Variants in DOK5 observed in about 807,000 individuals in gnomAD.
DOK5 encodes downstream of tyrosine kinase 5.
Under a neutral mutation model 43.3 loss-of-function variants are expected in DOK5, and 27 were observed. The ratio of observed to expected loss-of-function variants is 0.62; its 90% CI spans 0.46 to 0.86. DOK5 has a LOEUF of 0.86. DOK5 is among the 40% of genes least tolerant of loss of function. The pLI is 0.00. For missense variants in DOK5, 373 were observed against 392.9 expected (o/e 0.95, Z 0.43); for synonymous variants, 146 against 140.1 (o/e 1.04, Z -0.30).
intron 1 of DOK5, among the ~76,000 whole-genome samples, chr20:54,515,878 G>A (rs1769686250): frequency 6.6e-6 from 1 of 152,196 alleles, no homozygotes; most frequent in African/African-American, 2.4e-5. Context: ...CCAGGTGATG[G>A]CATGAATGTT....
At chr20:54,644,305 C>T (rs1979265624) in intron 7 of DOK5, among the ~76,000 whole-genome samples, 1 of 152,182 alleles carries the variant, frequency 6.6e-6, no homozygotes, top group African/African-American at 2.4e-5. Context: ...GGCGTGGTGG[C>T]TCACGCCTGT....
Position 54,650,417 on chromosome 20 carries a change from G to T in DOK5, c.859G>T (p.Val287Phe). 6.2e-7 allele frequency: 1 copy of T among 1,613,830 alleles called. No individual in the cohort carries two copies. Among genetic ancestry groups the T allele is most frequent in the Non-Finnish European group, 8.5e-7 (1 of 1,179,922 alleles). ...STGQLYRLQD[V>F]SSPLKLHRTE... ...ATTTTAAATTCTTTTTGGAAAAGAT[G>T]TTTCCAGCCCTCTGAAGCTTCATCG... Residue 287 changes from valine (V) to phenylalanine (F), a missense_variant and splice_region_variant, in exon 8 of 8, where the codon GTT (valine) becomes TTT (phenylalanine). By Grantham distance (50) the Val-to-Phe change is conservative. Coordinates refer to ENST00000262593, the MANE Select transcript of DOK5 (RefSeq NM_018431.5).
intron 1 of DOK5, among the ~76,000 whole-genome samples, chr20:54,501,957 A>T (rs1037319971): frequency 1.3e-5 from 2 of 152,218 alleles, no homozygotes; most frequent in Non-Finnish European, 2.9e-5. Flanking sequence ...GCTTGCTAAC[A>T]ATGGAAAGCA....
At chr20:54,529,931 C>T (rs1204782503) in intron 1 of DOK5, among the ~76,000 whole-genome samples, 5 of 152,156 alleles carry the variant, frequency 3.3e-5, no homozygotes, top group African/African-American at 4.8e-5. Context: ...AAATGATATT[C>T]CATTGTGTGG....
intron 1 of DOK5, among the ~76,000 whole-genome samples, chr20:54,487,308 A>G (rs919701807): frequency 6.6e-6 from 1 of 152,170 alleles, no homozygotes; most frequent in Non-Finnish European, 1.5e-5. Context: ...TTAGGTGCAG[A>G]GTGTTCAGCT....
chr20:54,591,089 C>T (rs758058084), intron 4 of DOK5, among the ~76,000 whole-genome samples: 8 of 152,144 alleles, frequency 5.3e-5, no homozygotes, highest in Non-Finnish European at 8.8e-5. Flanking sequence ...AATTGTTGGC[C>T]AGTTAAGTGC....
chr20:54,530,599 T>C (rs1983736390), intron 1 of DOK5, among the ~76,000 whole-genome samples: 1 of 152,204 alleles, frequency 6.6e-6, no homozygotes, highest in Non-Finnish European at 1.5e-5. Flanking sequence ...TTTATCAGCC[T>C]AGCCTAATTT....
chr20:54,629,441 T>C (rs6068919), intron 6 of DOK5, among the ~76,000 whole-genome samples: 38,712 of 152,158 alleles, frequency 0.25, 5,371 homozygotes, highest in African/African-American at 0.31. Flanking sequence ...ATAAAACAAG[T>C]CTCTGTCCCA....
At chr20:54,572,160 C>T (rs1470023773) in intron 2 of DOK5, among the ~76,000 whole-genome samples, 3 of 151,520 alleles carry the variant, frequency 2.0e-5, no homozygotes, top group Non-Finnish European at 2.9e-5. Context: ...TATGTTGCAA[C>T]ATTCTTTTTT....
intron 6 of DOK5, among the ~76,000 whole-genome samples, chr20:54,631,479 G>A (rs1489380764): frequency 1.3e-5 from 2 of 151,672 alleles, no homozygotes; most frequent in East Asian, 3.9e-4. Flanking sequence ...AAGGAGAGAG[G>A]GAGGGAGGCA....
intron 1 of DOK5, among the ~76,000 whole-genome samples, chr20:54,507,179 T>C (rs1982842034): frequency 2.0e-5 from 3 of 152,124 alleles, no homozygotes; most frequent in Non-Finnish European, 1.5e-5. Context: ...AAGAACACCC[T>C]GCCTTTAAGG....
Position 54,588,823 on chromosome 20 carries a change from C to T in DOK5, c.409+17C>T. The T allele has an allele frequency of 6.2e-7, 1 of 1,611,164 alleles. No individual in the cohort carries two copies. Among genetic ancestry groups the T allele is most frequent in the East Asian group, 2.2e-5 (1 of 44,828 alleles). ...AACAGAGTGGTATGTAAAGAAAATT[C>T]TCTCCTCTCTCTTTCAAAACTGCTT... is the stretch of plus-strand genomic sequence containing the variant. On this transcript the variant is annotated intron_variant, in intron 4 of 7. Transcript: ENST00000262593.
At chr20:54,574,635 T>C (rs183797120) in intron 2 of DOK5, among the ~76,000 whole-genome samples, 2 of 152,330 alleles carry the variant, frequency 1.3e-5, no homozygotes, top group East Asian at 3.9e-4. Flanking sequence ...AGTAATAATC[T>C]GGATCTCTGC....
chr20:54,519,031 G>A (rs996684521), intron 1 of DOK5, among the ~76,000 whole-genome samples: 9 of 152,092 alleles, frequency 5.9e-5, no homozygotes, highest in East Asian at 3.8e-4. Context: ...TTAGAATGGC[G>A]ATCATTAAAA....
At chr20:54,572,326 A>T (rs922379534) in intron 2 of DOK5, among the ~76,000 whole-genome samples, 1 of 151,996 alleles carries the variant, frequency 6.6e-6, no homozygotes, top group Non-Finnish European at 1.5e-5. Flanking sequence ...ACGCCCGGCT[A>T]ATTTTTTGTA....
chr20:54,596,548 T>C (rs1986148076), intron 5 of DOK5, among the ~76,000 whole-genome samples: 1 of 152,112 alleles, frequency 6.6e-6, no homozygotes, highest in Non-Finnish European at 1.5e-5. Context: ...GGAAATGAAG[T>C]AAAATTACAG....
At chr20:54,638,856 A>G (rs1183621248) in intron 6 of DOK5, among the ~76,000 whole-genome samples, 1 of 139,194 alleles carries the variant, frequency 7.2e-6, no homozygotes, top group Non-Finnish European at 1.5e-5. Flanking sequence ...TAACTTTTGT[A>G]TTTTTAGTAG....
intron 6 of DOK5, among the ~76,000 whole-genome samples, chr20:54,634,504 C>T (rs189497216): frequency 1.4e-4 from 18 of 129,102 alleles, no homozygotes; most frequent in African/African-American, 4.7e-4. Flanking sequence ...TGCAGTGGTG[C>T]GATCTCGGCT....
chr20:54,499,262 T>C (rs1982506712), intron 1 of DOK5, among the ~76,000 whole-genome samples: 1 of 152,268 alleles, frequency 6.6e-6, no homozygotes, highest in African/African-American at 2.4e-5. Flanking sequence ...AATTCTCTTT[T>C]CACTAATCCT....
Sources: allele counts gnomAD v4.1 joint callset (sites outside exome capture counted in the v4.1 genomes callset), GRCh38; gene constraint gnomAD v4.1.1; transcripts MANE v1.5; gene names NCBI Gene and HGNC (gene_info 2026-07-23, HGNC 2026-07-21).